Variants in CKS1B observed in about 807,000 individuals in gnomAD.
CKS1B encodes CDC28 protein kinase regulatory subunit 1B.
Under a neutral mutation model 12.2 loss-of-function variants are expected in CKS1B, and 5 were observed. The observed-to-expected ratio is 0.41, with a 90% CI of 0.21 to 0.86. The LOEUF (loss-of-function observed/expected upper bound fraction) is 0.86, where lower values mean the gene tolerates loss of function less well. Among genes scored for constraint, CKS1B ranks in the 40% least tolerant of loss-of-function variants. The probability of loss-of-function intolerance (pLI) is 0.32; values close to 1 mark genes in which losing one functional copy is unlikely to be tolerated. For synonymous variants in CKS1B, 24 were observed against 34.4 expected (o/e 0.70, Z 1.06); for missense variants, 53 against 99.9 (o/e 0.53, Z 2.00).
At chr1:154,974,884 A>G in intron 1 of CKS1B, 80 bp downstream of exon 1, 1 of 1,613,998 alleles carries the variant, frequency 6.2e-7, no homozygotes, top group Non-Finnish European at 8.5e-7. Flanking sequence ...ACAGGAACTG[A>G]GGCGATAGAA....
At chr1:154,975,291 A>T (rs986169286) in intron 1 of CKS1B, among the ~76,000 whole-genome samples, 5 of 152,070 alleles carry the variant, frequency 3.3e-5, no homozygotes, top group Admixed American at 1.3e-4. Context: ...TTGTGTAAGG[A>T]AGGGGATCGC....
chr1:154,977,155 G>A (rs970318363), intron 1 of CKS1B: 3 of 151,430 alleles, frequency 2.0e-5, no homozygotes, highest in African/African-American at 4.9e-5. Context: ...TTTTTGAGAC[G>A]GAATCTCACT....
chr1:154,974,947 C>G, intron 1 of CKS1B, 143 bp downstream of exon 1: 1 of 1,612,776 alleles, frequency 6.2e-7, no homozygotes, highest in Non-Finnish European at 8.5e-7. Context: ...TTGTGGAAGG[C>G]GTAAGGCGCA....
intron 1 of CKS1B, among the ~76,000 whole-genome samples, chr1:154,976,751 T>C (rs1382242401): frequency 1.3e-5 from 2 of 152,138 alleles, no homozygotes; most frequent in East Asian, 3.8e-4. Context: ...CGTGCCAGGG[T>C]GGTGTTAGAA....
intron 1 of CKS1B, among the ~76,000 whole-genome samples, chr1:154,976,067 C>T (rs751282320): frequency 6.6e-6 from 1 of 151,906 alleles, no homozygotes; most frequent in Non-Finnish European, 1.5e-5. Context: ...GCACATGTAC[C>T]CTTGAACATG....
At chr1:154,978,183 T>G in intron 2 of CKS1B, 69 bp downstream of exon 2, 3 of 1,470,432 alleles carry the variant, frequency 2.0e-6, no homozygotes, top group Non-Finnish European at 2.8e-6. Flanking sequence ...TAAGATTGTA[T>G]AACCCAAATA....
intron 1 of CKS1B, among the ~76,000 whole-genome samples, chr1:154,976,492 T>C (rs142994679): frequency 2.1e-3 from 325 of 152,378 alleles, no homozygotes; most frequent in African/African-American, 7.4e-3. Flanking sequence ...TCCAGAGAAC[T>C]CGATGTGCAT....
intron 1 of CKS1B, 178 bp downstream of exon 1, chr1:154,974,982 A>C: frequency 6.3e-7 from 1 of 1,591,178 alleles, no homozygotes; most frequent in South Asian, 1.1e-5. Context: ...AGGCGCTCGT[A>C]AAACAAAGTG....
intron 2 of CKS1B, 145 bp downstream of exon 2, chr1:154,978,259 A>C (rs752693842): frequency 9.3e-6 from 8 of 856,092 alleles, no homozygotes; most frequent in Non-Finnish European, 1.4e-5. Flanking sequence ...TTAAAAAAAA[A>C]CTAGTGACCA....
intron 1 of CKS1B, 59 bp from the exon 2 acceptor site, chr1:154,977,928 G>A (rs1189847775): frequency 6.5e-7 from 1 of 1,543,334 alleles, no homozygotes; most frequent in African/African-American, 1.4e-5. Context: ...ACAGGCATTT[G>A]TCTAAGAGAC....
intron 1 of CKS1B, 92 bp downstream of exon 1, chr1:154,974,896 T>G (rs1657099481): frequency 6.2e-7 from 1 of 1,613,888 alleles, no homozygotes; most frequent in African/African-American, 1.3e-5. Flanking sequence ...GCGATAGAAT[T>G]GGCGCATGCG....
chr1:154,977,593 G>C, intron 1 of CKS1B: 1 of 167,890 alleles, frequency 6.0e-6, no homozygotes. Context: ...GTAATAACTT[G>C]TCCACACAGT....
chr1:154,978,551 G>C, intron 2 of CKS1B, 174 bp from the exon 3 acceptor site: 1 of 617,918 alleles, frequency 1.6e-6, no homozygotes, highest in South Asian at 2.0e-5. Flanking sequence ...TAACAATTCT[G>C]TACTTGGCAG....
At chr1:154,978,184 A>T in intron 2 of CKS1B, 70 bp downstream of exon 2, 1 of 1,475,082 alleles carries the variant, frequency 6.8e-7, no homozygotes, top group Non-Finnish European at 9.2e-7. Context: ...AAGATTGTAT[A>T]ACCCAAATAG....
chr1:154,974,775 C>G lies in CKS1B; in HGVS notation c.30C>G (p.Asp10Glu), dbSNP rs1456110889. ...CGCACAAACAAATTTACTATTCGGA[C>G]AAATACGACGACGAGGAGTTTGAGT... MSHKQIYYS[D>E]KYDDEEFEYR... The change falls in exon 1 of 3, where the codon GAC (aspartate) becomes GAG (glutamate). Residue 10 changes from aspartate to glutamate, a missense_variant. Asp to Glu is a conservative substitution (Grantham distance 45, BLOSUM62 2). Coordinates refer to ENST00000308987, the MANE Select transcript of CKS1B (RefSeq NM_001826.3). 3 of 1,613,220 alleles carry G rather than the reference C, an allele frequency of 1.9e-6. No individual in the cohort carries two copies. The highest frequency in any genetic ancestry group is 2.5e-6 in the Non-Finnish European group (3 of 1,179,574).
At chr1:154,974,977 C>T in intron 1 of CKS1B, 173 bp downstream of exon 1, 5 of 1,595,566 alleles carry the variant, frequency 3.1e-6, no homozygotes, top group Non-Finnish European at 4.3e-6. Context: ...GTGGGAGGCG[C>T]TCGTAAAACA....
In CKS1B at chr1:154,978,110, A is replaced by C; in HGVS notation, c.183A>C (p.Glu61Asp). 6.2e-7 allele frequency: 1 copy of C among 1,614,072 alleles called. No individual in the cohort carries two copies. Among genetic ancestry groups the C allele is most frequent in the Non-Finnish European group, 8.5e-7 (1 of 1,180,002 alleles). Reference sequence around the variant, plus strand: ...GATGGGTCCATTATATGATCCATGAACCAGGTCAGTGCACTGGCTAAAAAC... The same window carrying C: ...GATGGGTCCATTATATGATCCATGACCCAGGTCAGTGCACTGGCTAAAAAC... ...SQGWVHYMIH[E>D]PEPHILLFRR... is the part of the protein sequence containing the mutation. Residue 61 changes from glutamate to aspartate, a missense_variant, in exon 2 of 3, where the codon GAA becomes GAC. Physicochemically the swap from Glu to Asp is conservative, Grantham distance 45. Transcript: ENST00000308987.
chr1:154,975,012 C>T (rs950162460), intron 1 of CKS1B: 5 of 1,408,152 alleles, frequency 3.6e-6, no homozygotes, highest in African/African-American at 2.8e-5. Context: ...TTGGAGTCGC[C>T]TCTCAGTAGA....
chr1:154,974,733 A>C lies in CKS1B; in HGVS notation c.-13A>C. On this transcript the variant is annotated 5_prime_UTR_variant, in exon 1 of 3. Coordinates refer to ENST00000308987, the MANE Select transcript of CKS1B (RefSeq NM_001826.3). ...TGGCGGCGCGGGGCTGAAGGCTAGC[A>C]AACCGAGCGATCATGTCGCACAAAC... 6.3e-7 allele frequency: 1 copy of C among 1,587,040 alleles called. No homozygotes were observed. The highest frequency in any genetic ancestry group is 8.6e-7 in the Non-Finnish European group (1 of 1,166,588).
Sources: gnomAD v4.1 joint callset for allele counts (sites outside exome capture counted in the v4.1 genomes callset) on GRCh38, gnomAD v4.1.1 for gene constraint, MANE v1.5 for transcripts, NCBI Gene and HGNC (gene_info 2026-07-23, HGNC 2026-07-21) for gene names.